COPE: variants seen among roughly 807,000 people sequenced by gnomAD.
COPE encodes the protein coat protein complex I subunit epsilon.
COPE carries 19 observed loss-of-function variants against 42.1 expected under a neutral mutation model. The observed-to-expected ratio is 0.45, with a 90% CI of 0.31 to 0.66. COPE has a LOEUF of 0.66. Ranked by LOEUF, COPE falls within the 30% of genes least tolerant of loss-of-function variation. The probability of loss-of-function intolerance (pLI) is 0.05; values close to 1 mark genes in which losing one functional copy is unlikely to be tolerated. For synonymous variants in COPE, 195 were observed against 181.3 expected (o/e 1.08, Z -0.60); for missense variants, 402 against 416.1 (o/e 0.97, Z 0.30).
chr19:18,905,916 C>T, intron 4 of COPE: 1 of 529,872 alleles, frequency 1.9e-6, no homozygotes, highest in South Asian at 2.7e-5. Flanking sequence ...AGATGGAGGG[C>T]CCTGCCCGGA....
chr19:18,911,620 C>T (rs545684095), intron 2 of COPE, among the ~76,000 whole-genome samples: 2 of 151,848 alleles, frequency 1.3e-5, no homozygotes, highest in South Asian at 2.1e-4. Context: ...GGCGTGATCT[C>T]GGCTCACTGC....
intron 3 of COPE, among the ~76,000 whole-genome samples, chr19:18,909,812 C>T (rs111503312): frequency 5.3e-5 from 8 of 152,280 alleles, no homozygotes; most frequent in African/African-American, 1.9e-4. Context: ...TGCACCCAGC[C>T]CTCCTTTTAT....
intron 2 of COPE, among the ~76,000 whole-genome samples, chr19:18,912,234 C>T (rs2056817037): frequency 6.6e-6 from 1 of 152,112 alleles, no homozygotes; most frequent in Admixed American, 6.5e-5. Flanking sequence ...GTAATCTTGA[C>T]CTCCTGGGCT....
At chr19:18,917,241 C>CTTTTTTT (rs531312180) in intron 1 of COPE, among the ~76,000 whole-genome samples, 16 of 110,646 alleles carry the variant, frequency 1.4e-4, no homozygotes, top group Non-Finnish European at 1.9e-4. Context: ...TTCTTTTTTT[C>CTTTTTTT]TTTTTTTTTT....
chr19:18,904,051 C>T (rs2056734909), intron 6 of COPE, among the ~76,000 whole-genome samples: 1 of 152,218 alleles, frequency 6.6e-6, no homozygotes, highest in South Asian at 2.1e-4. Context: ...CCGCAACCTC[C>T]ACCTCCCGGG....
At chr19:18,919,194 A>G in intron 1 of COPE, 29 bp downstream of exon 1, 1 of 1,590,898 alleles carries the variant, frequency 6.3e-7, no homozygotes, top group Non-Finnish European at 8.6e-7. Flanking sequence ...CTCCGCCCCC[A>G]GCGTCCCCGC....
At chr19:18,903,792 C>T (rs2056732010) in intron 6 of COPE, among the ~76,000 whole-genome samples, 1 of 152,206 alleles carries the variant, frequency 6.6e-6, no homozygotes, top group Non-Finnish European at 1.5e-5. Context: ...CAGCCCTGAC[C>T]TGTCCACTTG....
At position 18,910,992 on chromosome 19, in the gene COPE, T is replaced by C. The variant is rs771161442; in HGVS notation, c.269A>G (p.Tyr90Cys). The change falls in exon 3 of 10, where the codon TAC becomes TGC. Residue 90 changes from tyrosine to cysteine, a missense_variant. Coordinates refer to ENST00000262812, the MANE Select transcript of COPE (RefSeq NM_007263.4). ...TCACCTCCGACTCTCGTGGGCGAGGTAGTCAGCAAACATGCGCACGGCCTG... is the reference window on the plus strand; with the variant it reads ...TCACCTCCGACTCTCGTGGGCGAGGCAGTCAGCAAACATGCGCACGGCCTG... Reference protein sequence around the residue: ...ELQAVRMFADYLAHESRRDSI... With the variant: ...ELQAVRMFADCLAHESRRDSI... The C allele has an allele frequency of 3.5e-5, 56 of 1,613,692 alleles. No individual in the cohort carries two copies. Among genetic ancestry groups the C allele is most frequent in the Admixed American group, 6.7e-5 (4 of 59,996 alleles).
chr19:18,907,703 T>G (rs1020304991), intron 3 of COPE, among the ~76,000 whole-genome samples: 4 of 152,198 alleles, frequency 2.6e-5, no homozygotes, highest in African/African-American at 9.6e-5. Context: ...TGTCCCTAAC[T>G]GGACCCAGAC....
At chr19:18,910,932 G>A (rs1568320608) in intron 3 of COPE, 39 bp downstream of exon 3, 1 of 1,576,604 alleles carries the variant, frequency 6.3e-7, no homozygotes, top group South Asian at 1.1e-5. Flanking sequence ...CTTGAAGATG[G>A]CCCCGCGCCT....
chr19:18,900,007 C>G, intron 8 of COPE, 60 bp from the exon 9 acceptor site: 1 of 1,491,546 alleles, frequency 6.7e-7, no homozygotes, highest in Non-Finnish European at 9.2e-7. Context: ...TGGCTCTGAC[C>G]TGCTGGACAG....
At chr19:18,906,547 G>A (rs143058042) in intron 4 of COPE, 34 of 175,088 alleles carry the variant, frequency 1.9e-4, no homozygotes, top group Non-Finnish European at 3.6e-4. Context: ...GTGGAGGGGG[G>A]CACCAACCTT....
intron 8 of COPE, 91 bp downstream of exon 8, chr19:18,900,290 C>T: frequency 9.2e-7 from 1 of 1,092,820 alleles, no homozygotes. Context: ...ACAGAGTTTT[C>T]CCAGGGGCCT....
rs779672518 is a variant in COPE, at chr19:18,910,211, C to T, written c.290+760G>A. Among the ~76,000 whole-genome samples the T allele has an allele frequency of 6.2e-4, 94 of 152,314 alleles. 1 individual carries two copies. The highest frequency in any genetic ancestry group is 5.1e-4 in the Non-Finnish European group (35 of 68,024). The stretch of plus-strand genomic sequence containing the variant: ...TCTCCCCTTGGCTGCCGCCCATGGG[C>T]GTTTGACCAACGCTGGCCTGTGGCT... On this transcript the variant is annotated intron_variant, in intron 3 of 9. Coordinates refer to ENST00000262812, the MANE Select transcript of COPE (RefSeq NM_007263.4).
chr19:18,905,514 C>T, intron 5 of COPE, 62 bp downstream of exon 5: 1 of 1,498,442 alleles, frequency 6.7e-7, no homozygotes, highest in South Asian at 1.2e-5. Context: ...GGCTGTGACG[C>T]TCTGGGCTGT....
intron 2 of COPE, among the ~76,000 whole-genome samples, chr19:18,911,525 T>C (rs2056810246): frequency 6.6e-6 from 1 of 151,890 alleles, no homozygotes; most frequent in Non-Finnish European, 1.5e-5. Context: ...CCGTCCCTCA[T>C]TGTGTTCCCT....
Position 18,900,409 on chromosome 19 carries a change from A to T in COPE, c.776T>A (p.Leu259Gln), listed in dbSNP as rs948054766. 1.9e-6 allele frequency: 3 copies of T among 1,549,316 alleles called. No homozygotes were observed. The African/African-American group carries it at 4.1e-5, about 21-fold the overall frequency. The stretch of plus-strand genomic sequence containing the variant: ...AGGGGGCTTGCCCAGGTGCTGGGAC[A>T]GGACGATGAGGTTGACCAGCGTCTC... ...YPETLVNLIV[L>Q]SQHLGKPPEV... is the part of the protein sequence containing the mutation. Residue 259 changes from leucine (L) to glutamine (Q), a missense_variant, in exon 8 of 10, where the codon CTG becomes CAG. Physicochemically the swap from Leu to Gln is moderately radical, Grantham distance 113. Transcript: ENST00000262812.
chr19:18,918,187 C>CAAAAA (rs771893763), intron 1 of COPE, among the ~76,000 whole-genome samples: 65 of 49,524 alleles, frequency 1.3e-3, no homozygotes, highest in South Asian at 2.2e-3. Flanking sequence ...GTCTCCATCT[C>CAAAAA]AAAAAAAAAA....
rs552280305 is a variant in COPE at position 18,905,737 on chromosome 19, G to C, written c.444-108C>G. 1,786 of 1,133,140 alleles carry C rather than the reference G, an allele frequency of 1.6e-3. 5 individuals carry two copies. Among genetic ancestry groups the C allele is most frequent in the Non-Finnish European group, 1.8e-3 (1,449 of 800,940 alleles). 70.2% of individuals were successfully genotyped at this position (1,133,140 alleles called of 1,614,324 possible). On this transcript the variant is annotated intron_variant, in intron 4 of 9. Transcript: ENST00000262812. The stretch of plus-strand genomic sequence containing the variant: ...TGTCTGGGATGTTCCTAAGTCCTGT[G>C]CTTAGGACCACCAGCCCCGCCCAGC...
Sources: allele counts gnomAD v4.1 joint callset (sites outside exome capture counted in the v4.1 genomes callset), GRCh38; gene constraint gnomAD v4.1.1; transcripts MANE v1.5; gene names NCBI Gene and HGNC (gene_info 2026-07-23, HGNC 2026-07-21).